The following NKAIN2 variants were observed in gnomAD, a reference collection of about 807,000 sequenced individuals.
The protein encoded by NKAIN2 is sodium/potassium transporting ATPase interacting 2.
In NKAIN2, 14 loss-of-function variants were observed where a neutral mutation model predicts 32.6. That is an observed-to-expected ratio of 0.43 (90% confidence interval 0.28 to 0.67). NKAIN2 has a LOEUF of 0.67. Ranked by LOEUF, NKAIN2 falls within the 30% of genes least tolerant of loss-of-function variation. The probability of loss-of-function intolerance (pLI) is 0.17; values close to 1 mark genes in which losing one functional copy is unlikely to be tolerated. For missense variants in NKAIN2, 198 were observed against 258.3 expected, an observed-to-expected ratio of 0.77 and a Z score of 1.60; for synonymous variants, 80 against 87.2, an observed-to-expected ratio of 0.92 and a Z score of 0.46.
intron 1 of NKAIN2, among the ~76,000 whole-genome samples, chr6:123,995,312 GA>G (rs1362204218): frequency 1.3e-5 from 2 of 152,178 alleles, no homozygotes; most frequent in Admixed American, 1.3e-4. Flanking sequence ...AAACGAGAGA[GA>G]ATAGTAACAG....
At chr6:124,399,390 A>G (rs1183902474) in intron 3 of NKAIN2, among the ~76,000 whole-genome samples, 1 of 152,164 alleles carries the variant, frequency 6.6e-6, no homozygotes, top group East Asian at 1.9e-4. Context: ...GTTCTTCTTC[A>G]CTAGATTATC....
chr6:124,127,352 G>A (rs534141301), intron 1 of NKAIN2, among the ~76,000 whole-genome samples: 1 of 152,246 alleles, frequency 6.6e-6, no homozygotes, highest in South Asian at 2.1e-4. Context: ...AAGATTGTTC[G>A]GAAAGAGAGG....
intron 1 of NKAIN2, among the ~76,000 whole-genome samples, chr6:123,869,119 G>A (rs1165079896): frequency 6.6e-6 from 1 of 152,056 alleles, no homozygotes; most frequent in Admixed American, 6.6e-5. Flanking sequence ...AAAGACATAG[G>A]CTTTTAACAA....
chr6:124,220,132 C>G (rs550376050), intron 1 of NKAIN2, among the ~76,000 whole-genome samples: 1 of 152,146 alleles, frequency 6.6e-6, no homozygotes, highest in Admixed American at 6.5e-5. Context: ...ATGGGGGTGG[C>G]TTTCCCCAAG....
Position 124,560,323 on chromosome 6 carries a change from G to C in NKAIN2, c.274-97863G>C, listed in dbSNP as rs141595570. ...CTCCTTTCTGCCACCATGTGAAGAA[G>C]GACTGTTTGCTTCCCCTTCTGCCAT... On this transcript the variant is annotated intron_variant, in intron 3 of 6. Transcript: ENST00000368417. 2.8e-4 allele frequency among the ~76,000 whole-genome samples: 43 copies of C among 152,262 alleles called. 1 individual carries two copies. The East Asian group carries it at 7.4e-3, about 26-fold the overall frequency.
chr6:124,279,472 A>G (rs1269807937), intron 1 of NKAIN2, among the ~76,000 whole-genome samples: 1 of 146,658 alleles, frequency 6.8e-6, no homozygotes, highest in Non-Finnish European at 1.5e-5. Flanking sequence ...ACACCACTGC[A>G]CTCCATCCAG....
At chr6:124,054,340 T>C (rs1179609704) in intron 1 of NKAIN2, among the ~76,000 whole-genome samples, 1 of 151,884 alleles carries the variant, frequency 6.6e-6, no homozygotes, top group African/African-American at 2.4e-5. Context: ...AAATAAGTGG[T>C]TGGAAATGGT....
At chr6:124,596,225 G>T (rs1478486421) in intron 3 of NKAIN2, among the ~76,000 whole-genome samples, 1 of 152,192 alleles carries the variant, frequency 6.6e-6, no homozygotes, top group Non-Finnish European at 1.5e-5. Context: ...AGGTACTTAG[G>T]GGGCATCAGG....
intron 2 of NKAIN2, among the ~76,000 whole-genome samples, chr6:124,330,718 G>C (rs2115049118): frequency 6.6e-6 from 1 of 152,262 alleles, no homozygotes; most frequent in South Asian, 2.1e-4. Context: ...CCAACCCCGG[G>C]GCTATGGACT....
At chr6:124,229,023 G>C (rs1792278729) in intron 1 of NKAIN2, among the ~76,000 whole-genome samples, 1 of 152,056 alleles carries the variant, frequency 6.6e-6, no homozygotes, top group Non-Finnish European at 1.5e-5. Context: ...AATAAATATG[G>C]CACAATTGAA....
At chr6:124,805,658 T>A (rs1363695767) in intron 5 of NKAIN2, among the ~76,000 whole-genome samples, 1 of 152,040 alleles carries the variant, frequency 6.6e-6, no homozygotes, top group South Asian at 2.1e-4. Flanking sequence ...CTTTGACGAG[T>A]TGAGAGAAGA....
intron 1 of NKAIN2, among the ~76,000 whole-genome samples, chr6:123,982,033 G>A (rs1510298): frequency 0.41 from 62,081 of 151,968 alleles, 15,035 homozygotes; most frequent in African/African-American, 0.69. Context: ...AACATTTTCT[G>A]TAGGTTAAGT....
chr6:124,580,054 C>CG (rs1251149953), intron 3 of NKAIN2, among the ~76,000 whole-genome samples: 4 of 152,188 alleles, frequency 2.6e-5, no homozygotes, highest in Non-Finnish European at 5.9e-5. Flanking sequence ...GGGACTTCAT[C>CG]AACACCAGAC....
Position 124,716,239 on chromosome 6 carries a change from T to G in NKAIN2, c.474+57853T>G, listed in dbSNP as rs146207207. Among the ~76,000 whole-genome samples, 63 of 152,352 alleles carry G rather than the reference T, an allele frequency of 4.1e-4. 1 individual carries two copies. The East Asian group carries it at 0.012, about 28-fold the overall frequency. On this transcript the variant is annotated intron_variant, in intron 4 of 6. Coordinates refer to ENST00000368417, the MANE Select transcript of NKAIN2 (RefSeq NM_001040214.3). Reference sequence around the variant, plus strand: ...TCCTCTCAGCTCTGTGCATGCCTACTGCACCCACCAACTTTGCAAATTACA... The same window carrying G: ...TCCTCTCAGCTCTGTGCATGCCTACGGCACCCACCAACTTTGCAAATTACA...
chr6:124,074,524 A>G (rs1424765117), intron 1 of NKAIN2, among the ~76,000 whole-genome samples: 1 of 152,096 alleles, frequency 6.6e-6, no homozygotes, highest in African/African-American at 2.4e-5. Context: ...ACCCATTACT[A>G]GGGGTCCTCC....
At chr6:124,795,907 A>G (rs1779975679) in intron 5 of NKAIN2, among the ~76,000 whole-genome samples, 1 of 152,198 alleles carries the variant, frequency 6.6e-6, no homozygotes, top group Non-Finnish European at 1.5e-5. Context: ...GGGGAGGGAC[A>G]CTAACATTTA....
intron 3 of NKAIN2, among the ~76,000 whole-genome samples, chr6:124,499,315 C>T (rs1778194615): frequency 6.6e-6 from 1 of 152,054 alleles, no homozygotes; most frequent in East Asian, 1.9e-4. Flanking sequence ...ACAGCCTGTG[C>T]ACAGTTATAA....
chr6:123,822,471 T>C (rs1032558107), intron 1 of NKAIN2, among the ~76,000 whole-genome samples: 6 of 152,190 alleles, frequency 3.9e-5, no homozygotes, highest in Admixed American at 3.3e-4. Context: ...GAGTTTTCCA[T>C]GTGGTTAGCA....
intron 1 of NKAIN2, among the ~76,000 whole-genome samples, chr6:124,263,350 A>G (rs972532678): frequency 2.0e-5 from 3 of 152,196 alleles, no homozygotes; most frequent in Non-Finnish European, 4.4e-5. Context: ...TCAGAAGTTT[A>G]GAGTATAACT....
Sources: allele counts gnomAD v4.1 joint callset (sites outside exome capture counted in the v4.1 genomes callset), GRCh38; gene constraint gnomAD v4.1.1; transcripts MANE v1.5; gene names NCBI Gene and HGNC (gene_info 2026-07-23, HGNC 2026-07-21).